Variants in SHROOM3 observed in about 807,000 individuals in gnomAD.
The protein encoded by SHROOM3 is shroom family member 3, also known as protein Shroom3.
A neutral mutation model predicts 138.6 loss-of-function variants in SHROOM3; 47 were observed. The observed-to-expected ratio is 0.34, with a 90% CI of 0.27 to 0.43. The LOEUF is 0.43. Ranked by LOEUF, SHROOM3 falls within the 20% of genes least tolerant of loss-of-function variation. SHROOM3 has a pLI of 1.00. For missense variants in SHROOM3, 2,491 were observed against 2,596.5 expected, an observed-to-expected ratio of 0.96 and a Z score of 0.88; for synonymous variants, 1,062 against 1,063.3, an observed-to-expected ratio of 1.00 and a Z score of 0.02.
intron 2 of SHROOM3, among the ~76,000 whole-genome samples, chr4:76,637,326 T>C (rs897876430): frequency 3.9e-5 from 6 of 152,240 alleles, no homozygotes; most frequent in Admixed American, 6.5e-5. Flanking sequence ...ACAGGCTCTC[T>C]GTTTCCCGTT....
chr4:76,503,777 C>T (rs1326984913), intron 1 of SHROOM3, among the ~76,000 whole-genome samples: 1 of 152,186 alleles, frequency 6.6e-6, no homozygotes, highest in Non-Finnish European at 1.5e-5. Context: ...ATCTTGTAAA[C>T]TCAGCAAAGT....
chr4:76,753,981 T>A (rs543699229), intron 6 of SHROOM3, among the ~76,000 whole-genome samples: 1 of 152,220 alleles, frequency 6.6e-6, no homozygotes, highest in Non-Finnish European at 1.5e-5. Flanking sequence ...TACTGTTTGT[T>A]TTTATAGCCT....
At chr4:76,529,976 A>G (rs1485891398) in intron 1 of SHROOM3, among the ~76,000 whole-genome samples, 1 of 152,214 alleles carries the variant, frequency 6.6e-6, no homozygotes, top group Non-Finnish European at 1.5e-5. Context: ...ATTGAATAGC[A>G]TGGTATGTTC....
At chr4:76,493,098 G>A (rs1288776472) in intron 1 of SHROOM3, among the ~76,000 whole-genome samples, 4 of 151,956 alleles carry the variant, frequency 2.6e-5, no homozygotes, top group Admixed American at 1.3e-4. Context: ...GTGGGTGTCT[G>A]TAATCTCAGC....
chr4:76,669,246 T>C (rs761681339), intron 2 of SHROOM3, among the ~76,000 whole-genome samples: 15 of 152,222 alleles, frequency 9.9e-5, no homozygotes, highest in Admixed American at 6.5e-5. Context: ...AGGACGGTTT[T>C]ATAACTCTTT....
intron 2 of SHROOM3, chr4:76,639,762 A>G: frequency 2.5e-6 from 1 of 395,270 alleles, no homozygotes; most frequent in Non-Finnish European, 4.5e-6. Context: ...TTCCCCCGTT[A>G]AGTAAATGGG....
At chr4:76,519,180 C>G (rs11097396) in intron 1 of SHROOM3, among the ~76,000 whole-genome samples, 47,096 of 152,008 alleles carry the variant, frequency 0.31, 7,787 homozygotes, top group African/African-American at 0.41. Flanking sequence ...ACCTTAGAAT[C>G]ACTGACTGTA....
At chr4:76,538,623 A>G (rs961847510) in intron 1 of SHROOM3, among the ~76,000 whole-genome samples, 2 of 152,188 alleles carry the variant, frequency 1.3e-5, no homozygotes, top group Admixed American at 1.3e-4. Context: ...GGTAGAAAAA[A>G]TGTTCTGAAA....
At chr4:76,770,950 C>G (rs755789532) in intron 10 of SHROOM3, 52 bp downstream of exon 10, 1 of 1,606,946 alleles carries the variant, frequency 6.2e-7, no homozygotes, top group Non-Finnish European at 8.5e-7. Flanking sequence ...AGCCCACATA[C>G]ATAGAGAGGC....
Position 76,780,216 on chromosome 4 carries a change from CCTT to C in SHROOM3, c.*1040_*1042del, listed in dbSNP as rs1448178022. The C allele has an allele frequency of 6.6e-6, 1 of 152,162 alleles. No homozygotes were observed. The highest frequency in any genetic ancestry group is 1.9e-4 in the East Asian group (1 of 5,200). The allele number at this position is 152,162 out of a possible 1,614,324, so 9.4% of individuals were successfully genotyped here. A position where few individuals can be genotyped will look rare whatever the true frequency, so the allele number is the denominator to read the frequency against. On this transcript the variant is annotated 3_prime_UTR_variant, in exon 11 of 11. Transcript: ENST00000296043. Reference sequence around the variant, plus strand: ...ACCACACTTTGATTAAAAACTGCCTCCTTAACCTCTGAAGACTGATTTTGCTTT... The same window carrying C: ...ACCACACTTTGATTAAAAACTGCCTCAACCTCTGAAGACTGATTTTGCTTT...
intron 2 of SHROOM3, among the ~76,000 whole-genome samples, chr4:76,624,723 C>G (rs1329509930): frequency 1.3e-5 from 2 of 152,202 alleles, no homozygotes; most frequent in Non-Finnish European, 2.9e-5. Flanking sequence ...GTGTTAACAT[C>G]TGTACTAATA....
chr4:76,673,010 C>T (rs745756141), intron 2 of SHROOM3, among the ~76,000 whole-genome samples: 5 of 152,192 alleles, frequency 3.3e-5, no homozygotes, highest in Non-Finnish European at 4.4e-5. Context: ...TGCTGTTTGT[C>T]GCTTTGATCA....
intron 1 of SHROOM3, among the ~76,000 whole-genome samples, chr4:76,511,550 C>A (rs1283288276): frequency 6.6e-6 from 1 of 152,112 alleles, no homozygotes; most frequent in African/African-American, 2.4e-5. Context: ...GGAAAAATAC[C>A]CTTCAAGTTT....
chr4:76,749,767 A>G (rs1721561249), intron 6 of SHROOM3, among the ~76,000 whole-genome samples: 1 of 152,210 alleles, frequency 6.6e-6, no homozygotes, highest in South Asian at 2.1e-4. Flanking sequence ...GAAAAGTAAA[A>G]TGAGCACTTT....
intron 2 of SHROOM3, among the ~76,000 whole-genome samples, chr4:76,617,449 AT>A (rs1348518263): frequency 1.3e-5 from 2 of 152,186 alleles, no homozygotes; most frequent in Non-Finnish European, 2.9e-5. Flanking sequence ...CTTTAACTGA[AT>A]ATTTTTCTGT....
chr4:76,464,334 G>A (rs917472877), intron 1 of SHROOM3, among the ~76,000 whole-genome samples: 1 of 152,052 alleles, frequency 6.6e-6, no homozygotes, highest in Non-Finnish European at 1.5e-5. Flanking sequence ...TCTTTGTTTT[G>A]GCCAATTTCT....
In SHROOM3 at chr4:76,726,005, G is replaced by A. The variant is rs80234159; in HGVS notation, c.456-4799G>A. Among the ~76,000 whole-genome samples the A allele has an allele frequency of 3.3e-3, 505 of 152,258 alleles. 5 individuals carry two copies. Among genetic ancestry groups the A allele is most frequent in the African/African-American group, 0.012 (480 of 41,546 alleles). ...CACCCTCTTCTCCCCTTTAGAAACA[G>A]GTTTTTGAAGGAATCATCTGCCCAT... On this transcript the variant is annotated intron_variant, in intron 3 of 10. Coordinates refer to ENST00000296043, the MANE Select transcript of SHROOM3 (RefSeq NM_020859.4).
At chr4:76,755,576 G>A (rs1363840498) in intron 7 of SHROOM3, among the ~76,000 whole-genome samples, 1 of 152,138 alleles carries the variant, frequency 6.6e-6, no homozygotes, top group Non-Finnish European at 1.5e-5. Flanking sequence ...TAAAGAATAT[G>A]GCTTCAGATT....
intron 2 of SHROOM3, among the ~76,000 whole-genome samples, chr4:76,684,513 A>G (rs1384722415): frequency 2.0e-5 from 3 of 152,220 alleles, no homozygotes; most frequent in Non-Finnish European, 2.9e-5. Context: ...GGTAGCATAG[A>G]TAGTGAATAA....
Sources: allele counts gnomAD v4.1 joint callset (sites outside exome capture counted in the v4.1 genomes callset), GRCh38; gene constraint gnomAD v4.1.1; transcripts MANE v1.5; gene names NCBI Gene and HGNC (gene_info 2026-07-23, HGNC 2026-07-21).